MEI1: variants seen among roughly 807,000 people sequenced by gnomAD.
MEI1 encodes meiotic double-stranded break formation protein 1.
A neutral mutation model predicts 146.2 loss-of-function variants in MEI1; 103 were observed. The ratio of observed to expected loss-of-function variants is 0.70; its 90% CI spans 0.60 to 0.83. The LOEUF (loss-of-function observed/expected upper bound fraction) is 0.83, where lower values mean the gene tolerates loss of function less well. MEI1 is among the 40% of genes least tolerant of loss of function. The pLI is 0.00. For missense variants in MEI1, 1,529 were observed against 1,533.0 expected, an observed-to-expected ratio of 1.00 and a Z score of 0.04; for synonymous variants, 652 against 628.2, an observed-to-expected ratio of 1.04 and a Z score of -0.57.
rs925963199 is a variant in MEI1 at position 41,747,031 on chromosome 22, AT to A, written c.1680+1006del. 7.3e-4 allele frequency among the ~76,000 whole-genome samples: 102 copies of A among 140,156 alleles called. 1 individual carries two copies. Among genetic ancestry groups the A allele is most frequent in the African/African-American group, 2.3e-3 (92 of 40,082 alleles). 91.9% of individuals were successfully genotyped at this position (140,156 alleles called of 152,430 possible). On this transcript the variant is annotated intron_variant, in intron 14 of 30. Coordinates refer to ENST00000401548, the MANE Select transcript of MEI1 (RefSeq NM_152513.4). ...TTCTGTATTTTACACATTTTCTTTA[AT>A]GAGCATATATTACTTTTATAATAAT...
chr22:41,747,085 C>T (rs2147800309), intron 14 of MEI1, among the ~76,000 whole-genome samples: 1 of 151,878 alleles, frequency 6.6e-6, no homozygotes, highest in South Asian at 2.1e-4. Flanking sequence ...CAAACTTGCT[C>T]TAAAAATGAA....
At chr22:41,790,245 G>A (rs1422194699) in intron 26 of MEI1, among the ~76,000 whole-genome samples, 2 of 152,044 alleles carry the variant, frequency 1.3e-5, no homozygotes, top group Non-Finnish European at 2.9e-5. Context: ...ACCATACCTG[G>A]CTAATTTTTT....
intron 19 of MEI1, 143 bp downstream of exon 19, chr22:41,763,464 T>C (rs915288026): frequency 1.2e-6 from 1 of 828,694 alleles, no homozygotes; most frequent in South Asian, 1.8e-5. Context: ...TGGAGAGGAG[T>C]AGGATGCAGA....
At chr22:41,779,272 C>A (rs967975069) in intron 22 of MEI1, among the ~76,000 whole-genome samples, 2 of 151,978 alleles carry the variant, frequency 1.3e-5, no homozygotes, top group Non-Finnish European at 2.9e-5. Flanking sequence ...CATGGTGAAA[C>A]CCTGTCTCTA....
At chr22:41,763,078 G>T in intron 18 of MEI1, 96 bp from the exon 19 acceptor site, 1 of 1,395,946 alleles carries the variant, frequency 7.2e-7, no homozygotes, top group East Asian at 2.3e-5. Context: ...ATTGGGGCAG[G>T]ACAGTGGGCT....
At chr22:41,761,659 A>G (rs913748502) in intron 18 of MEI1, among the ~76,000 whole-genome samples, 4 of 152,260 alleles carry the variant, frequency 2.6e-5, no homozygotes, top group Admixed American at 6.5e-5. Flanking sequence ...TAAAATTTAC[A>G]CAACATAAGC....
chr22:41,727,072 CT>C (rs964520301), intron 7 of MEI1, among the ~76,000 whole-genome samples: 63 of 149,982 alleles, frequency 4.2e-4, no homozygotes, highest in African/African-American at 1.1e-3. Flanking sequence ...GAAAATCTGG[CT>C]TTTTTTTTTC....
chr22:41,717,519 A>G (rs1289218698), intron 5 of MEI1, among the ~76,000 whole-genome samples: 3 of 152,186 alleles, frequency 2.0e-5, no homozygotes. Flanking sequence ...GTTGGTCTCA[A>G]CCTGCTGGTC....
chr22:41,739,146 A>G (rs1228518406), intron 11 of MEI1, among the ~76,000 whole-genome samples: 1 of 151,460 alleles, frequency 6.6e-6, no homozygotes. Flanking sequence ...AATACAAAAA[A>G]AAAAAAAATT....
chr22:41,707,642 T>TA (rs150162504), intron 3 of MEI1, among the ~76,000 whole-genome samples: 1,652 of 151,000 alleles, frequency 0.011, 23 homozygotes, highest in African/African-American at 0.038. Flanking sequence ...GACTGTCTCT[T>TA]AAAAAAAAAG....
At chr22:41,780,924 G>A (rs2075728866) in intron 22 of MEI1, among the ~76,000 whole-genome samples, 1 of 152,192 alleles carries the variant, frequency 6.6e-6, no homozygotes, top group Non-Finnish European at 1.5e-5. Flanking sequence ...AGAGGAGTTA[G>A]CTAAATGAAG....
Position 41,745,943 on chromosome 22 carries a change from A to G in MEI1, c.1597A>G (p.Ser533Gly). 3.7e-6 allele frequency: 6 copies of G among 1,613,646 alleles called. No homozygotes were observed. Among genetic ancestry groups the G allele is most frequent in the Non-Finnish European group, 5.1e-6 (6 of 1,179,648 alleles). The change falls in exon 14 of 31, where the codon AGC becomes GGC. Residue 533 changes from serine (S) to glycine (G), a missense_variant. Ser to Gly is a moderately conservative substitution (Grantham distance 56). Transcript: ENST00000401548. ...CCAGGAGAATCCATTCACAGCTCCC[A>G]GCGCCAAGAAGGAAGACACCTTGGA... Reference protein sequence around the residue: ...SAQENPFTAPSAKKEDTLEAF... With the variant: ...SAQENPFTAPGAKKEDTLEAF...
chr22:41,748,023 A>G, intron 14 of MEI1, 84 bp from the exon 15 acceptor site: 1 of 875,368 alleles, frequency 1.1e-6, no homozygotes, highest in East Asian at 2.6e-5. Flanking sequence ...AGGAGTTGCT[A>G]GATTTGATGT....
chr22:41,720,798 G>A (rs992585444), intron 6 of MEI1, among the ~76,000 whole-genome samples: 8 of 150,072 alleles, frequency 5.3e-5, no homozygotes, highest in Non-Finnish European at 1.0e-4. Flanking sequence ...TTGAGACAGA[G>A]TCTCGCTCTG....
chr22:41,713,499 G>A (rs902118921), intron 3 of MEI1, among the ~76,000 whole-genome samples: 1 of 150,068 alleles, frequency 6.7e-6, no homozygotes, highest in East Asian at 2.0e-4. Context: ...AAAAAAAGAA[G>A]CCAGAACTCC....
At chr22:41,715,367 A>T (rs527722401) in intron 4 of MEI1, among the ~76,000 whole-genome samples, 1 of 152,214 alleles carries the variant, frequency 6.6e-6, no homozygotes, top group East Asian at 1.9e-4. Context: ...ATGTTCAGTA[A>T]TAGGAGCTAT....
At chr22:41,711,080 G>C (rs963321353) in intron 3 of MEI1, among the ~76,000 whole-genome samples, 4 of 152,166 alleles carry the variant, frequency 2.6e-5, no homozygotes, top group African/African-American at 9.7e-5. Flanking sequence ...ATGTTCTTTA[G>C]GGAGCATTCA....
intron 22 of MEI1, among the ~76,000 whole-genome samples, chr22:41,779,381 G>A (rs755014712): frequency 1.3e-5 from 2 of 152,124 alleles, no homozygotes; most frequent in Non-Finnish European, 2.9e-5. Flanking sequence ...CTTGAGCCCA[G>A]GACGTCAAGG....
chr22:41,783,660 A>G (rs2148170825), intron 24 of MEI1, among the ~76,000 whole-genome samples: 1 of 152,190 alleles, frequency 6.6e-6, no homozygotes, highest in South Asian at 2.1e-4. Flanking sequence ...CCAAGGCCAT[A>G]CAGCTGACAG....
Sources: allele counts gnomAD v4.1 joint callset (sites outside exome capture counted in the v4.1 genomes callset), GRCh38; gene constraint gnomAD v4.1.1; transcripts MANE v1.5; gene names NCBI Gene and HGNC (gene_info 2026-07-23, HGNC 2026-07-21).